Variants in SIPA1L1 observed in about 807,000 individuals in gnomAD.
The protein encoded by SIPA1L1 is signal-induced proliferation-associated 1-like protein 1.
Under a neutral mutation model 162.7 loss-of-function variants are expected in SIPA1L1, and 26 were observed. The observed-to-expected ratio is 0.16, with a 90% CI of 0.12 to 0.22. The LOEUF (loss-of-function observed/expected upper bound fraction) is 0.22. SIPA1L1 is among the 10% of genes least tolerant of loss of function. The pLI is 1.00. For synonymous variants in SIPA1L1, 829 were observed against 837.4 expected, an observed-to-expected ratio of 0.99 and a Z score of 0.17; for missense variants, 1,874 against 2,241.0, an observed-to-expected ratio of 0.84 and a Z score of 3.31.
At chr14:71,557,022 A>T (rs1436564000) in intron 4 of SIPA1L1, among the ~76,000 whole-genome samples, 2 of 152,232 alleles carry the variant, frequency 1.3e-5, no homozygotes, top group Non-Finnish European at 2.9e-5. Context: ...TGAGGCCTAA[A>T]GTACCCCAGC....
At chr14:71,484,430 A>G (rs1434691598) in intron 2 of SIPA1L1, among the ~76,000 whole-genome samples, 1 of 151,964 alleles carries the variant, frequency 6.6e-6, no homozygotes, top group Non-Finnish European at 1.5e-5. Context: ...AATGCCCATT[A>G]TGTGTCAAAC....
In SIPA1L1 at chr14:71,724,740, T is replaced by C. The variant is rs1279528707; in HGVS notation, c.4519T>C (p.Ser1507Pro). The C allele has an allele frequency of 2.5e-6, 4 of 1,613,960 alleles. No homozygotes were observed. In the African/African-American group the frequency reaches 5.3e-5, roughly 22 times the overall value. ...TGCCTCAACCAGAGACCTCCGGGCA[T>C]CTCCTAAGCCAACCTCCAAGTCCAC... ...LRASTRDLRA[S>P]PKPTSKSTIE... The change falls in exon 19 of 24, where the codon TCT (serine) becomes CCT (proline). Residue 1507 changes from serine to proline, a missense_variant. Ser to Pro is a moderately conservative substitution (Grantham distance 74). Transcript: ENST00000381232.
At chr14:71,576,975 CGGGTGGCTGA>C (rs745813495) in intron 4 of SIPA1L1, among the ~76,000 whole-genome samples, 7 of 147,960 alleles carry the variant, frequency 4.7e-5, no homozygotes, top group Non-Finnish European at 8.9e-5. Context: ...CCCAGCCACT[CGGGTGGCTGA>C]GGCAGGAGAA....
intron 2 of SIPA1L1, among the ~76,000 whole-genome samples, chr14:71,368,079 G>C (rs1467872743): frequency 2.7e-5 from 4 of 149,680 alleles, no homozygotes; most frequent in Non-Finnish European, 5.9e-5. Context: ...AAATATACTA[G>C]ACCTTTTCTG....
At chr14:71,463,111 C>T (rs1464499581) in intron 2 of SIPA1L1, among the ~76,000 whole-genome samples, 2 of 152,170 alleles carry the variant, frequency 1.3e-5, no homozygotes, top group East Asian at 3.8e-4. Flanking sequence ...ATCACCATCC[C>T]TGCGTCTTTC....
In SIPA1L1 at chr14:71,564,503, C is replaced by T. The variant is rs866817029; in HGVS notation, c.-302-23068C>T. 2.6e-3 allele frequency among the ~76,000 whole-genome samples: 18 copies of T among 7,024 alleles called. 1 individual carries two copies. In the South Asian group the frequency reaches 0.095, roughly 37 times the overall value. 4.6% of individuals were successfully genotyped at this position (7,024 alleles called of 152,430 possible). A position where few individuals can be genotyped will look rare whatever the true frequency, so the allele number is the denominator to read the frequency against. ...GGCATTTTCTTTCTTTTTTTTTTTCCGAGACAGAGTCTCACTCTGTCGCCC... is the reference window on the plus strand; with the variant it reads ...GGCATTTTCTTTCTTTTTTTTTTTCTGAGACAGAGTCTCACTCTGTCGCCC... On this transcript the variant is annotated intron_variant, in intron 4 of 23. Transcript: ENST00000381232.
At chr14:71,550,260 A>AT (rs375710676) in intron 4 of SIPA1L1, among the ~76,000 whole-genome samples, 4 of 151,708 alleles carry the variant, frequency 2.6e-5, no homozygotes, top group Admixed American at 1.3e-4. Context: ...AAAAACAGAA[A>AT]TTTTTTTTTA....
intron 2 of SIPA1L1, among the ~76,000 whole-genome samples, chr14:71,466,411 G>T (rs1178523454): frequency 6.6e-6 from 1 of 152,158 alleles, no homozygotes; most frequent in Admixed American, 6.5e-5. Flanking sequence ...AATTGTGCTT[G>T]TGTCTGTCTA....
Position 71,356,567 on chromosome 14 carries a change from C to CCAAAAAAAAAAAAAA in SIPA1L1, c.-465+35386_-465+35387insCAAAAAAAAAAAAAA, listed in dbSNP as rs777415215. ...GCAACATAGCAAGACCTTGTCTCTA[C>CCAAAAAAAAAAAAAA]AAAAAAAAAAAAAAAAAAAAGCACA... On this transcript the variant is annotated intron_variant, in intron 2 of 23. Coordinates refer to ENST00000381232, the MANE Select transcript of SIPA1L1 (RefSeq NM_001386936.1). Among the ~76,000 whole-genome samples, 20 of 39,162 alleles carry CCAAAAAAAAAAAAAA rather than the reference C, an allele frequency of 5.1e-4. 1 individual carries two copies. Among genetic ancestry groups the CCAAAAAAAAAAAAAA allele is most frequent in the African/African-American group, 1.9e-3 (17 of 9,168 alleles). The allele number at this position is 39,162 out of a possible 152,430, so 25.7% of individuals were successfully genotyped here.
intron 2 of SIPA1L1, among the ~76,000 whole-genome samples, chr14:71,436,414 A>T (rs1461637112): frequency 6.6e-6 from 1 of 152,186 alleles, no homozygotes; most frequent in East Asian, 1.9e-4. Flanking sequence ...TTAAGACTTT[A>T]AATCAATTTG....
chr14:71,586,843 T>C (rs1226414418), intron 4 of SIPA1L1: 1 of 152,162 alleles, frequency 6.6e-6, no homozygotes, highest in African/African-American at 2.4e-5. Flanking sequence ...GAGATACTTC[T>C]AGCTTTTAAG....
intron 5 of SIPA1L1, among the ~76,000 whole-genome samples, chr14:71,595,512 T>C (rs568296472): frequency 3.3e-5 from 5 of 152,380 alleles, no homozygotes; most frequent in African/African-American, 1.2e-4. Flanking sequence ...TTTCATCTTT[T>C]ATTTTCCTAT....
intron 16 of SIPA1L1, among the ~76,000 whole-genome samples, chr14:71,707,630 G>C (rs2082546871): frequency 6.6e-6 from 1 of 152,188 alleles, no homozygotes; most frequent in South Asian, 2.1e-4. Flanking sequence ...GCATGAATCA[G>C]TACTTCATTC....
intron 2 of SIPA1L1, among the ~76,000 whole-genome samples, chr14:71,487,101 T>G (rs1382699986): frequency 6.6e-6 from 1 of 152,190 alleles, no homozygotes; most frequent in East Asian, 1.9e-4. Flanking sequence ...TTCTGCCTGG[T>G]AAGTTCTCTG....
chr14:71,685,503 G>T lies in SIPA1L1; in HGVS notation c.3246G>T (p.Pro1082=). Residue 1082 remains proline (P), a synonymous_variant, in exon 13 of 24, where the codon CCG becomes CCT. Coordinates refer to ENST00000381232, the MANE Select transcript of SIPA1L1 (RefSeq NM_001386936.1). ...AGGGGCCTCATTCACCTCAAGTCCCGTCCCAGGTGCAGAGTCCCATGACCT... is the reference window on the plus strand; with the variant it reads ...AGGGGCCTCATTCACCTCAAGTCCCTTCCCAGGTGCAGAGTCCCATGACCT... The part of the protein sequence containing the change: ...ASKGPHSPQV[P]SQVQSPMTSR... The T allele has an allele frequency of 6.2e-7, 1 of 1,614,144 alleles. No homozygotes were observed.
At chr14:71,599,213 C>T (rs554392672) in intron 5 of SIPA1L1, among the ~76,000 whole-genome samples, 2 of 141,484 alleles carry the variant, frequency 1.4e-5, no homozygotes, top group South Asian at 4.4e-4. Context: ...TGCAATGGCA[C>T]GATTTCGGCT....
chr14:71,723,943 G>A, intron 18 of SIPA1L1, 57 bp downstream of exon 18: 8 of 1,602,782 alleles, frequency 5.0e-6, no homozygotes, highest in Non-Finnish European at 6.0e-6. Context: ...ACAGAGAATA[G>A]AAAAGCTTGG....
At chr14:71,551,021 T>C (rs2055776399) in intron 4 of SIPA1L1, among the ~76,000 whole-genome samples, 1 of 152,040 alleles carries the variant, frequency 6.6e-6, no homozygotes, top group Non-Finnish European at 1.5e-5. Flanking sequence ...ACGCTGTTTG[T>C]TCATATCCTA....
intron 2 of SIPA1L1, among the ~76,000 whole-genome samples, chr14:71,497,380 C>T (rs2108048): frequency 0.6 from 90,747 of 151,790 alleles, 27,636 homozygotes; most frequent in East Asian, 0.77. Flanking sequence ...CATATACAAT[C>T]CCAGGAATTT....
Sources: gnomAD v4.1 joint callset for allele counts (sites outside exome capture counted in the v4.1 genomes callset) on GRCh38, gnomAD v4.1.1 for gene constraint, MANE v1.5 for transcripts, NCBI Gene and HGNC (gene_info 2026-07-23, HGNC 2026-07-21) for gene names.